Variants in EVA1C observed in about 807,000 individuals in gnomAD.
EVA1C encodes the protein protein eva-1 homolog C.
EVA1C carries 25 observed loss-of-function variants against 45.4 expected under a neutral mutation model. The ratio of observed to expected loss-of-function variants is 0.55; its 90% confidence interval spans 0.40 to 0.77. EVA1C has a LOEUF of 0.77. Among genes scored for constraint, EVA1C ranks in the 30% least tolerant of loss-of-function variants. The pLI is 0.00. For missense variants in EVA1C, 479 were observed against 554.8 expected (o/e 0.86, Z 1.37); for synonymous variants, 190 against 221.2 (o/e 0.86, Z 1.25).
chr21:32,490,385 A>G (rs1049980793), intron 4 of EVA1C, among the ~76,000 whole-genome samples: 2 of 152,088 alleles, frequency 1.3e-5, no homozygotes, highest in African/African-American at 4.8e-5. Flanking sequence ...GGTTCATCCA[A>G]GTTGTAGTAT....
At position 32,501,452 on chromosome 21, in the gene EVA1C, T is replaced by C; in HGVS notation, c.816T>C (p.Ile272=). 6.3e-7 allele frequency: 1 copy of C among 1,595,112 alleles called. No homozygotes were observed. Among genetic ancestry groups the C allele is most frequent in the Non-Finnish European group, 8.5e-7 (1 of 1,178,668 alleles). ...TACTCACAGCGATTGATCCAGCCAT[T>C]GCTAATCTAAAACCTTCTTTGAAGC... ...KNILTAIDPA[I]ANLKPSLKQK... The change falls in exon 6 of 8, where the codon ATT becomes ATC. Residue 272 remains isoleucine, a synonymous_variant. Transcript: ENST00000300255.
chr21:32,486,042 T>TAAAGG (rs1165085525), intron 4 of EVA1C, among the ~76,000 whole-genome samples: 7 of 152,226 alleles, frequency 4.6e-5, no homozygotes, highest in African/African-American at 1.7e-4. Context: ...AGAAGTTGGC[T>TAAAGG]CTGGCAGCAT....
chr21:32,413,537 T>TA (rs2033916440), intron 1 of EVA1C, among the ~76,000 whole-genome samples: 1 of 152,188 alleles, frequency 6.6e-6, no homozygotes, highest in African/African-American at 2.4e-5. Flanking sequence ...GATACTTAGA[T>TA]AAGAGAGAGG....
intron 4 of EVA1C, among the ~76,000 whole-genome samples, chr21:32,486,070 A>G (rs2036963480): frequency 6.6e-6 from 1 of 152,234 alleles, no homozygotes; most frequent in Non-Finnish European, 1.5e-5. Context: ...ACCAATCGCC[A>G]TGAGCAGACA....
chr21:32,494,939 G>A (rs1335553135), intron 4 of EVA1C, 88 bp from the exon 5 acceptor site: 1 of 1,347,230 alleles, frequency 7.4e-7, no homozygotes, highest in African/African-American at 1.5e-5. Context: ...ATCCAGCTCA[G>A]CATATTTATT....
At chr21:32,454,011 A>G (rs368821844) in intron 2 of EVA1C, among the ~76,000 whole-genome samples, 118 of 152,288 alleles carry the variant, frequency 7.7e-4, no homozygotes, top group African/African-American at 2.7e-3. Flanking sequence ...TGGGTGGATC[A>G]TGAGGTCAGG....
At position 32,495,121 on chromosome 21, in the gene EVA1C, C is replaced by G; in HGVS notation, c.729C>G (p.Ser243Arg). The G allele has an allele frequency of 6.2e-7, 1 of 1,614,066 alleles. No homozygotes were observed. Among genetic ancestry groups the G allele is most frequent in the Non-Finnish European group, 8.5e-7 (1 of 1,180,012 alleles). Residue 243 changes from serine (S) to arginine (R), a missense_variant, in exon 5 of 8, where the codon AGC becomes AGG. This residue lies in a region of EVA1C where 366 missense variants were observed against 426.1 expected (regional missense o/e 0.86). Transcript: ENST00000300255. ...TCGTCAACAATCACCATTTTGGAAG[C>G]CCCTGTTTGCCAGGCGTGAAAAAAT... ...KIIVNNHHFG[S>R]PCLPGVKKYL...
intron 1 of EVA1C, among the ~76,000 whole-genome samples, chr21:32,415,456 C>A (rs145498396): frequency 6.6e-6 from 1 of 152,080 alleles, no homozygotes; most frequent in Non-Finnish European, 1.5e-5. Flanking sequence ...AATATAGGCC[C>A]CTTTCTCCCC....
intron 3 of EVA1C, among the ~76,000 whole-genome samples, chr21:32,459,963 A>G (rs940933621): frequency 6.6e-6 from 1 of 152,042 alleles, no homozygotes; most frequent in African/African-American, 2.4e-5. Context: ...GAAATGTTTC[A>G]TAATAAGTTG....
At position 32,474,234 on chromosome 21, in the gene EVA1C, C is replaced by A. The variant is rs907236491; in HGVS notation, c.634+6386C>A. ...CGACCAGGATTTTATTTAAATTAAA[C>A]CAGAGCACACCGCACCTCCGCTTAA... On this transcript the variant is annotated intron_variant, in intron 4 of 7. Transcript: ENST00000300255. This position sits in a 1 kb window ranked among gnomAD's most constrained non-coding sequence, Gnocchi z 4.4. Among the ~76,000 whole-genome samples the A allele has an allele frequency of 4.6e-5, 7 of 152,180 alleles. No individual in the cohort carries two copies. The highest frequency in any genetic ancestry group is 1.4e-4 in the African/African-American group (6 of 41,464).
intron 6 of EVA1C, among the ~76,000 whole-genome samples, chr21:32,502,053 TTCTTTCTTTCTTTCTTCTG>T (rs2037574406): frequency 7.4e-6 from 1 of 134,602 alleles, no homozygotes. Flanking sequence ...TCTTTCTTTC[TTCTTTCTTTCTTTCTTCTG>T]TCTTTCTTTC....
intron 1 of EVA1C, among the ~76,000 whole-genome samples, chr21:32,436,884 G>A (rs1361087701): frequency 6.6e-6 from 1 of 152,224 alleles, no homozygotes. Flanking sequence ...TTCAGGCTGG[G>A]TGCAGTGGCT....
chr21:32,430,019 A>G (rs2034637230), intron 1 of EVA1C, among the ~76,000 whole-genome samples: 1 of 152,204 alleles, frequency 6.6e-6, no homozygotes, highest in African/African-American at 2.4e-5. Context: ...GTGTGGCCTG[A>G]GGCCACGACT....
intron 3 of EVA1C, among the ~76,000 whole-genome samples, chr21:32,459,304 C>A (rs779629903): frequency 3.3e-5 from 5 of 152,164 alleles, no homozygotes; most frequent in African/African-American, 1.2e-4. Context: ...GCCTGAACTC[C>A]CTTCGTGACC....
rs140284099 is a variant in EVA1C at position 32,474,512 on chromosome 21, C to T, written c.634+6664C>T. Among the ~76,000 whole-genome samples, 428 of 152,344 alleles carry T rather than the reference C, an allele frequency of 2.8e-3. No individual in the cohort carries two copies. Among genetic ancestry groups the T allele is most frequent in the Admixed American group, 6.0e-3 (92 of 15,304 alleles). ...GGCACCGGCCAGCATGGCACCTCGT[C>T]CCTGCAGTCCCTCTCTGGCGACCCT... On this transcript the variant is annotated intron_variant, in intron 4 of 7. Coordinates refer to ENST00000300255, the MANE Select transcript of EVA1C (RefSeq NM_058187.5). The surrounding 1 kb of genome is among the most constrained non-coding windows in gnomAD (Gnocchi z 4.4).
At chr21:32,471,920 A>G (rs60258868) in intron 4 of EVA1C, among the ~76,000 whole-genome samples, 60,971 of 151,844 alleles carry the variant, frequency 0.4, 13,029 homozygotes, top group East Asian at 0.51. Flanking sequence ...GAGCAACCGC[A>G]CTCGGCCTCC....
At chr21:32,505,557 C>T (rs572621936) in intron 7 of EVA1C, among the ~76,000 whole-genome samples, 2 of 152,216 alleles carry the variant, frequency 1.3e-5, no homozygotes, top group Admixed American at 6.5e-5. Flanking sequence ...TTCCTCTCAA[C>T]AACTGCCTTA....
chr21:32,438,155 C>G (rs548470671), intron 1 of EVA1C, among the ~76,000 whole-genome samples: 1 of 152,286 alleles, frequency 6.6e-6, no homozygotes, highest in Admixed American at 6.5e-5. Context: ...CATGCAGGGT[C>G]CTAGTTCTCT....
At chr21:32,463,014 C>T (rs777658762) in intron 3 of EVA1C, among the ~76,000 whole-genome samples, 13 of 152,188 alleles carry the variant, frequency 8.5e-5, no homozygotes, top group East Asian at 7.7e-4. Context: ...ATTCTTCTAG[C>T]GCCACTGGTT....
Sources: gnomAD v4.1 joint callset for allele counts (sites outside exome capture counted in the v4.1 genomes callset) on GRCh38, gnomAD v4.1.1 for gene constraint, gnomAD v4.1.1 regional missense constraint, Gnocchi (gnomAD v3.1) non-coding constraint, MANE v1.5 for transcripts, NCBI Gene and HGNC (gene_info 2026-07-23, HGNC 2026-07-21) for gene names.